The following KHDRBS2 variants were observed in gnomAD, a reference collection of about 807,000 sequenced individuals.
KHDRBS2 encodes KH domain-containing, RNA-binding, signal transduction-associated protein 2.
In KHDRBS2, 26 loss-of-function variants were observed where a neutral mutation model predicts 44.3. That is an observed-to-expected ratio of 0.59 (90% confidence interval 0.43 to 0.81). The LOEUF (loss-of-function observed/expected upper bound fraction) is 0.81. Among genes scored for constraint, KHDRBS2 ranks in the 40% least tolerant of loss-of-function variants. The probability of loss-of-function intolerance (pLI) is 0.00; values close to 1 mark genes in which losing one functional copy is unlikely to be tolerated. For missense variants in KHDRBS2, 476 were observed against 433.1 expected, an observed-to-expected ratio of 1.10 and a Z score of -0.88; for synonymous variants, 194 against 151.1, an observed-to-expected ratio of 1.28 and a Z score of -2.08.
intron 2 of KHDRBS2, among the ~76,000 whole-genome samples, chr6:62,158,875 C>T (rs1481909883): frequency 6.6e-6 from 1 of 151,896 alleles, no homozygotes; most frequent in Non-Finnish European, 1.5e-5. Flanking sequence ...TGACTTCAAG[C>T]TTCTATGCAA....
chr6:61,878,809 T>G lies in KHDRBS2; in HGVS notation c.810+15826A>C, dbSNP rs143726399. 2.1e-3 allele frequency among the ~76,000 whole-genome samples: 316 copies of G among 152,108 alleles called. 3 individuals are homozygous for G. The highest frequency in any genetic ancestry group is 7.4e-3 in the African/African-American group (309 of 41,534). ...CTCTGCCACTTACTGGCTAGGCAAC[T>G]TTGAGCATAATACTTAACCTCTTCA... On this transcript the variant is annotated intron_variant, in intron 6 of 8. Transcript: ENST00000281156.
chr6:61,926,866 T>G (rs901655011), intron 4 of KHDRBS2, among the ~76,000 whole-genome samples: 23 of 151,920 alleles, frequency 1.5e-4, no homozygotes, highest in African/African-American at 5.3e-4. Context: ...CTAAACACTG[T>G]TTTCCTGGAT....
intron 4 of KHDRBS2, among the ~76,000 whole-genome samples, chr6:61,943,379 C>T (rs1812547568): frequency 6.6e-6 from 1 of 151,504 alleles, no homozygotes; most frequent in Admixed American, 6.6e-5. Flanking sequence ...AAAAAACCAC[C>T]AAACCAAAGT....
At chr6:61,970,357 AT>A (rs1423371665) in intron 4 of KHDRBS2, among the ~76,000 whole-genome samples, 1 of 152,050 alleles carries the variant, frequency 6.6e-6, no homozygotes, top group Non-Finnish European at 1.5e-5. Context: ...TAAAAAAAAA[AT>A]CCCATCATTT....
rs564008495 is a variant in KHDRBS2 at position 62,256,838 on chromosome 6, G to A, written c.91+29020C>T. ...AGAAACTCTTGGATCCATATAAACC[G>A]TGTGACTCTGAGCTAGTTACCTATA... On this transcript the variant is annotated intron_variant, in intron 1 of 8. Coordinates refer to ENST00000281156, the MANE Select transcript of KHDRBS2 (RefSeq NM_152688.4). 8.5e-5 allele frequency among the ~76,000 whole-genome samples: 13 copies of A among 152,118 alleles called. No homozygotes were observed. The South Asian group carries it at 1.2e-3, about 15-fold the overall frequency.
At chr6:62,103,793 C>G (rs1433296134) in intron 2 of KHDRBS2, among the ~76,000 whole-genome samples, 1 of 152,138 alleles carries the variant, frequency 6.6e-6, no homozygotes, top group African/African-American at 2.4e-5. Context: ...GTTTTCTCAT[C>G]AGAAACAATG....
chr6:61,975,125 G>T (rs543903141), intron 4 of KHDRBS2, among the ~76,000 whole-genome samples: 1 of 152,066 alleles, frequency 6.6e-6, no homozygotes, highest in Non-Finnish European at 1.5e-5. Flanking sequence ...CAGCTCACAA[G>T]GAGTTCTATG....
At chr6:61,740,251 C>A (rs756041693) in intron 6 of KHDRBS2, among the ~76,000 whole-genome samples, 1 of 151,790 alleles carries the variant, frequency 6.6e-6, no homozygotes, top group Admixed American at 6.6e-5. Context: ...GAGAGCATTC[C>A]ATTTCCAGGT....
At chr6:61,954,993 T>TAC (rs1333447394) in intron 4 of KHDRBS2, among the ~76,000 whole-genome samples, 1 of 140,936 alleles carries the variant, frequency 7.1e-6, no homozygotes, top group African/African-American at 2.6e-5. Context: ...TGTATACATA[T>TAC]ATAGACATAC....
At chr6:61,956,625 G>T (rs764030085) in intron 4 of KHDRBS2, among the ~76,000 whole-genome samples, 2 of 151,986 alleles carry the variant, frequency 1.3e-5, no homozygotes, top group African/African-American at 2.4e-5. Context: ...GCCACAAGGG[G>T]TTAATCAGTC....
At chr6:62,235,553 TG>T (rs1408436872) in intron 1 of KHDRBS2, among the ~76,000 whole-genome samples, 1 of 152,078 alleles carries the variant, frequency 6.6e-6, no homozygotes, top group Non-Finnish European at 1.5e-5. Flanking sequence ...ACATTTATCT[TG>T]TGCTTTCTCA....
chr6:61,875,826 A>G (rs1350835907), intron 6 of KHDRBS2, among the ~76,000 whole-genome samples: 10 of 152,112 alleles, frequency 6.6e-5, no homozygotes, highest in Middle Eastern at 3.4e-3. Context: ...TTTGGTTATA[A>G]CTGTCCAACT....
intron 4 of KHDRBS2, among the ~76,000 whole-genome samples, chr6:61,946,782 G>A (rs575128222): frequency 4.5e-4 from 69 of 152,268 alleles, no homozygotes; most frequent in Admixed American, 7.9e-4. Context: ...TACTGCCAAG[G>A]ATGTTGATCT....
intron 6 of KHDRBS2, among the ~76,000 whole-genome samples, chr6:61,846,124 A>AGGT (rs1456603932): frequency 6.6e-6 from 1 of 152,224 alleles, no homozygotes. Flanking sequence ...CCCCAAGAGC[A>AGGT]GATGATCCTA....
At chr6:61,634,076 C>A in the KHDRBS2 span, among the ~76,000 whole-genome samples, 2 of 151,972 alleles carry the variant, frequency 1.3e-5, no homozygotes, top group Admixed American at 6.6e-5. Flanking sequence ...TGCTTTAAGT[C>A]TAAGTCAGAG....
chr6:61,557,312 T>C, the KHDRBS2 span, among the ~76,000 whole-genome samples: 1 of 152,164 alleles, frequency 6.6e-6, no homozygotes, highest in Non-Finnish European at 1.5e-5. Flanking sequence ...AAAGTTCCCA[T>C]CCAATTTTTC....
At chr6:61,904,772 G>C (rs1804656420) in intron 4 of KHDRBS2, among the ~76,000 whole-genome samples, 1 of 152,104 alleles carries the variant, frequency 6.6e-6, no homozygotes, top group African/African-American at 2.4e-5. Context: ...GACATTGTAG[G>C]GTGAGGGGTC....
At position 62,192,659 on chromosome 6, in the gene KHDRBS2, C is replaced by T. The variant is rs563227295; in HGVS notation, c.92-15347G>A. On this transcript the variant is annotated intron_variant, in intron 1 of 8. Coordinates refer to ENST00000281156, the MANE Select transcript of KHDRBS2 (RefSeq NM_152688.4). ...CCATTATTCATTAGAGTTAAAAATT[C>T]CAACTCTGTCAATAGCACTAGGTAT... Among the ~76,000 whole-genome samples, 13 of 152,218 alleles carry T rather than the reference C, an allele frequency of 8.5e-5. No individual in the cohort carries two copies. The South Asian group carries it at 2.7e-3, about 32-fold the overall frequency.
At chr6:61,804,198 C>CT (rs1786754356) in intron 6 of KHDRBS2, among the ~76,000 whole-genome samples, 1 of 152,266 alleles carries the variant, frequency 6.6e-6, no homozygotes, top group Non-Finnish European at 1.5e-5. Context: ...AACGAAGGGA[C>CT]TACCGGCCCC....
Sources: gnomAD v4.1 joint callset for allele counts (sites outside exome capture counted in the v4.1 genomes callset) on GRCh38, gnomAD v4.1.1 for gene constraint, MANE v1.5 for transcripts, NCBI Gene and HGNC (gene_info 2026-07-23, HGNC 2026-07-21) for gene names.